The following TXNDC8 variants were observed in gnomAD, a reference collection of about 807,000 sequenced individuals.
TXNDC8 encodes the protein thioredoxin domain containing 8.
In TXNDC8, 15 loss-of-function variants were observed where a neutral mutation model predicts 12.9. That is an observed-to-expected ratio of 1.16 (90% CI 0.78 to 1.79). The LOEUF is 1.79. Ranked by LOEUF, TXNDC8 falls within the 40% of genes most tolerant of loss-of-function variation. The pLI is 0.00. For missense variants in TXNDC8, 128 were observed against 113.2 expected, an observed-to-expected ratio of 1.13 and a Z score of -0.59; for synonymous variants, 40 against 35.4, an observed-to-expected ratio of 1.13 and a Z score of -0.46.
chr9:110,311,255 A>G (rs1470344300), intron 3 of TXNDC8, among the ~76,000 whole-genome samples: 1 of 152,094 alleles, frequency 6.6e-6, no homozygotes, highest in Non-Finnish European at 1.5e-5. Context: ...TTAGGTAAAT[A>G]CAACGGGGAA....
chr9:110,304,314 T>C (rs1838342002), intron 4 of TXNDC8, among the ~76,000 whole-genome samples, 153 bp downstream of exon 5: 1 of 152,204 alleles, frequency 6.6e-6, no homozygotes, highest in Non-Finnish European at 1.5e-5. Flanking sequence ...TAGAACTAAC[T>C]TTACTGCCCG....
intron 3 of TXNDC8, among the ~76,000 whole-genome samples, chr9:110,318,589 T>A (rs564030297): frequency 1.3e-5 from 2 of 152,180 alleles, no homozygotes; most frequent in South Asian, 4.1e-4. Flanking sequence ...ATACAAAAAA[T>A]TAGCCAGGCA....
At chr9:110,309,917 GA>G (rs936060128) in intron 3 of TXNDC8, among the ~76,000 whole-genome samples, 14 of 150,214 alleles carry the variant, frequency 9.3e-5, no homozygotes, top group Non-Finnish European at 1.9e-4. Flanking sequence ...CTTTTATTAA[GA>G]AAAAAAAAGT....
intron 3 of TXNDC8, among the ~76,000 whole-genome samples, chr9:110,320,268 C>T (rs1839039770): frequency 6.6e-6 from 1 of 152,096 alleles, no homozygotes; most frequent in Non-Finnish European, 1.5e-5. Flanking sequence ...AGGGACCTAG[C>T]AGGAGGTAAT....
chr9:110,327,195 GT>G (rs1464896296), intron 2 of TXNDC8, among the ~76,000 whole-genome samples: 4 of 152,022 alleles, frequency 2.6e-5, no homozygotes, highest in Non-Finnish European at 5.9e-5. Flanking sequence ...TTAGAAAACA[GT>G]TTGCCACTTC....
At chr9:110,314,438 C>T (rs535453230) in intron 3 of TXNDC8, among the ~76,000 whole-genome samples, 1,781 of 124,532 alleles carry the variant, frequency 0.014, 36 homozygotes, top group African/African-American at 0.045. Flanking sequence ...TTTCTTTTTT[C>T]TTTTTTTTTT....
chr9:110,305,634 TTTTC>T lies in TXNDC8; in HGVS notation c.196-1106_196-1103del, dbSNP rs1285133438. Among the ~76,000 whole-genome samples the T allele has an allele frequency of 2.0e-3, 289 of 146,586 alleles. 6 individuals are homozygous for T. The highest frequency in any genetic ancestry group is 6.3e-3 in the African/African-American group (254 of 40,214). ...TCTTTTTCTTCCTTCCTTCCTTTCT[TTTTC>T]TTTCTTTCTATTTTCTTCTTTCTTT... On this transcript the variant is annotated intron_variant, in intron 3 of 4. Coordinates refer to ENST00000423740, the MANE Select transcript of TXNDC8 (RefSeq NM_001286946.2).
chr9:110,304,443 C>G (rs753088918), intron 4 of TXNDC8, 24 bp downstream of exon 5: 15 of 1,596,718 alleles, frequency 9.4e-6, no homozygotes, highest in South Asian at 4.5e-5. Flanking sequence ...ATTTCTAACT[C>G]TAACTTGATC....
intron 2 of TXNDC8, among the ~76,000 whole-genome samples, chr9:110,330,214 C>G (rs969573092): frequency 6.6e-6 from 1 of 152,176 alleles, no homozygotes; most frequent in Non-Finnish European, 1.5e-5. Flanking sequence ...TAAAATGTTT[C>G]CTGAATTTTG....
chr9:110,309,516 A>G (rs915468135), intron 3 of TXNDC8, among the ~76,000 whole-genome samples: 2 of 152,062 alleles, frequency 1.3e-5, no homozygotes, highest in Non-Finnish European at 2.9e-5. Context: ...TTGTATTTTT[A>G]GTAGAGACAG....
intron 1 of TXNDC8, 125 bp downstream of exon 1, chr9:110,337,648 A>G (rs926617531): frequency 2.3e-6 from 2 of 874,130 alleles, no homozygotes; most frequent in Admixed American, 2.4e-5. Context: ...AGAATTTAGA[A>G]CTCTCCCCTT....
intron 1 of TXNDC8, among the ~76,000 whole-genome samples, 153 bp downstream of exon 1, chr9:110,337,620 G>A (rs549641371): frequency 6.6e-6 from 1 of 152,264 alleles, no homozygotes; most frequent in East Asian, 1.9e-4. Flanking sequence ...CATCCCTCAA[G>A]GAACAAGATA....
At chr9:110,318,745 A>T (rs1367873005) in intron 3 of TXNDC8, among the ~76,000 whole-genome samples, 1 of 152,216 alleles carries the variant, frequency 6.6e-6, no homozygotes, top group East Asian at 1.9e-4. Context: ...CTAAAAAAAA[A>T]AAAAATTTTA....
chr9:110,320,673 C>T (rs1035876722), intron 3 of TXNDC8, among the ~76,000 whole-genome samples: 8 of 152,266 alleles, frequency 5.3e-5, no homozygotes, highest in Non-Finnish European at 7.4e-5. Context: ...CGGATGGAGA[C>T]GGTTCATAGC....
chr9:110,308,272 T>C (rs181131493), intron 3 of TXNDC8, among the ~76,000 whole-genome samples: 9 of 152,328 alleles, frequency 5.9e-5, no homozygotes, highest in African/African-American at 1.7e-4. Flanking sequence ...TTCATGATGA[T>C]GGAAGGCAGG....
chr9:110,336,521 T>C (rs2118890319), intron 1 of TXNDC8, among the ~76,000 whole-genome samples: 1 of 152,232 alleles, frequency 6.6e-6, no homozygotes, highest in Middle Eastern at 3.4e-3. Flanking sequence ...TTGACTTGAC[T>C]AAACTATCTG....
intron 2 of TXNDC8, among the ~76,000 whole-genome samples, chr9:110,331,523 A>T (rs1416193241): frequency 6.6e-6 from 1 of 152,198 alleles, no homozygotes; most frequent in Non-Finnish European, 1.5e-5. Context: ...TCCTTGTATT[A>T]AAATCCTTTT....
intron 3 of TXNDC8, among the ~76,000 whole-genome samples, chr9:110,318,379 T>A (rs1838961625): frequency 6.6e-6 from 1 of 152,152 alleles, no homozygotes; most frequent in African/African-American, 2.4e-5. Flanking sequence ...ACCAAACATA[T>A]CACTCCTATA....
In TXNDC8 at chr9:110,305,546, T is replaced by TTCTTTC. The variant is rs767108351; in HGVS notation, c.196-1015_196-1014insGAAAGA. Among the ~76,000 whole-genome samples the TTCTTTC allele has an allele frequency of 3.2e-3, 371 of 115,498 alleles. 2 individuals are homozygous for TTCTTTC. Among genetic ancestry groups the TTCTTTC allele is most frequent in the Middle Eastern group, 4.3e-3 (1 of 230 alleles). The allele number at this position is 115,498 out of a possible 152,430, so 75.8% of individuals were successfully genotyped here. On this transcript the variant is annotated intron_variant, in intron 3 of 4. Transcript: ENST00000423740. The stretch of plus-strand genomic sequence containing the variant: ...TGAAATTATACTGCATGTATTTTCT[T>TTCTTTC]TTTCTTTCTTTCTTTCTTTCTTTCT...
Sources: allele counts gnomAD v4.1 joint callset (sites outside exome capture counted in the v4.1 genomes callset), GRCh38; gene constraint gnomAD v4.1.1; transcripts MANE v1.5; gene names NCBI Gene and HGNC (gene_info 2026-07-23, HGNC 2026-07-21).